Variants in ADGRG2 observed in about 807,000 individuals in gnomAD.
ADGRG2 encodes the protein G protein-coupled receptor 64.
ADGRG2 carries 26 observed loss-of-function variants against 74.1 expected under a neutral mutation model. The observed-to-expected ratio is 0.35, with a 90% CI of 0.26 to 0.49. The LOEUF (loss-of-function observed/expected upper bound fraction) is 0.49, where lower values mean the gene tolerates loss of function less well. Among genes scored for constraint, ADGRG2 ranks in the 20% least tolerant of loss-of-function variants. The pLI is 0.99. For missense variants in ADGRG2, 619 were observed against 763.1 expected (o/e 0.81, Z 2.22); for synonymous variants, 296 against 295.2 (o/e 1.00, Z -0.03).
chrX:19,115,709 C>G lies in ADGRG2; in HGVS notation c.-47+6733G>C, dbSNP rs187306203. On this transcript the variant is annotated intron_variant, in intron 1 of 28. Coordinates refer to ENST00000379869, the MANE Select transcript of ADGRG2 (RefSeq NM_001079858.3). ...CGGTGGCTCCCGCCTATAATCCCAG[C>G]ACTTTGGGAGGCCGAGGCAGGAGGA... Among the ~76,000 whole-genome samples, 545 of 111,582 alleles carry G rather than the reference C, an allele frequency of 4.9e-3. 3 individuals are homozygous for G. Among genetic ancestry groups the G allele is most frequent in the African/African-American group, 0.017 (515 of 30,711 alleles).
chrX:19,115,682 C>T (rs1281348191), intron 1 of ADGRG2, among the ~76,000 whole-genome samples: 3 of 111,317 alleles, frequency 2.7e-5, no homozygotes, highest in African/African-American at 6.5e-5. Context: ...TAGGAGGCGG[C>T]GCGGTGGCTC....
At chrX:19,122,913 C>T (rs1475571394), upstream of ADGRG2, among the ~76,000 whole-genome samples, 2 of 112,188 alleles carry the variant, frequency 1.8e-5, no homozygotes, top group Admixed American at 9.3e-5. Context: ...CTTTAGGGCT[C>T]GCCCCGGTAC....
At chrX:19,000,388 C>G (rs937156439) in intron 24 of ADGRG2, among the ~76,000 whole-genome samples, 1 of 111,792 alleles carries the variant, frequency 8.9e-6, no homozygotes, top group Admixed American at 9.5e-5. Flanking sequence ...TAGCTGTTCA[C>G]CAGGCTGGTT....
At chrX:19,088,121 A>G (rs1337740918) in intron 1 of ADGRG2, among the ~76,000 whole-genome samples, 1 of 112,453 alleles carries the variant, frequency 8.9e-6, no homozygotes, top group Admixed American at 9.4e-5. Context: ...AACCTTCCTT[A>G]GACTATAAAC....
intron 1 of ADGRG2, among the ~76,000 whole-genome samples, chrX:19,107,029 A>G (rs890041051): frequency 9.0e-6 from 1 of 110,787 alleles, no homozygotes; most frequent in Non-Finnish European, 1.9e-5. Context: ...TACTTGGGAG[A>G]GCTGTTTATC....
chrX:19,022,577 C>T lies in ADGRG2; in HGVS notation c.548+839G>A, dbSNP rs2060613411. 2.7e-5 allele frequency among the ~76,000 whole-genome samples: 3 copies of T among 111,814 alleles called. No individual in the cohort carries two copies. In the South Asian group the frequency reaches 1.1e-3, roughly 42 times the overall value. Reference sequence around the variant, plus strand: ...CCCTGTAAGCCATCGGTTTACACAGCCAGGATAGCCAATGGACACAATTCA... The same window carrying T: ...CCCTGTAAGCCATCGGTTTACACAGTCAGGATAGCCAATGGACACAATTCA... On this transcript the variant is annotated intron_variant, in intron 13 of 28. Coordinates refer to ENST00000379869, the MANE Select transcript of ADGRG2 (RefSeq NM_001079858.3).
At chrX:18,991,112 A>G (rs903718844) in intron 28 of ADGRG2, 64 bp from the exon 29 acceptor site, 2 of 579,174 alleles carry the variant, frequency 3.5e-6, no homozygotes, top group Non-Finnish European at 5.3e-6. Flanking sequence ...AAAGCAAACA[A>G]ACTTAGACAT....
At chrX:19,098,310 G>C (rs2062131630) in intron 1 of ADGRG2, among the ~76,000 whole-genome samples, 1 of 111,816 alleles carries the variant, frequency 8.9e-6, no homozygotes, top group Non-Finnish European at 1.9e-5. Flanking sequence ...ATAGTAAACT[G>C]TCATTTGCTT....
In ADGRG2 at chrX:19,103,692, A is replaced by G. The variant is rs771506259; in HGVS notation, c.-47+18750T>C. ...ATACCACGTGTACTCTCAAAATACC[A>G]AATCCAAAGGACTAAGTGTCTAATT... On this transcript the variant is annotated intron_variant, in intron 1 of 28. Transcript: ENST00000379869. Among the ~76,000 whole-genome samples, 5 of 111,392 alleles carry G rather than the reference A, an allele frequency of 4.5e-5. No homozygotes were observed. In the East Asian group the frequency reaches 1.4e-3, roughly 32 times the overall value.
At position 19,101,438 on chromosome X, in the gene ADGRG2, C is replaced by T. The variant is rs374734058; in HGVS notation, c.-46-18692G>A. Among the ~76,000 whole-genome samples, 329 of 111,296 alleles carry T rather than the reference C, an allele frequency of 3.0e-3. 4 individuals carry two copies. The highest frequency in any genetic ancestry group is 0.01 in the African/African-American group (318 of 30,677). On this transcript the variant is annotated intron_variant, in intron 1 of 28. Transcript: ENST00000379869. The stretch of plus-strand genomic sequence containing the variant: ...AAGGATAGCCAGGCACGGTGGCTCA[C>T]GCCTGTAATCCCAGCACTTTGGGAG...
intron 1 of ADGRG2, among the ~76,000 whole-genome samples, chrX:19,095,802 C>G (rs1223203175): frequency 9.0e-6 from 1 of 110,613 alleles, no homozygotes; most frequent in Admixed American, 9.6e-5. Context: ...TCACTCGAGT[C>G]CAGGAGTTGG....
intron 3 of ADGRG2, among the ~76,000 whole-genome samples, chrX:19,067,838 A>C (rs750570777): frequency 8.9e-6 from 1 of 112,177 alleles, no homozygotes; most frequent in Non-Finnish European, 1.9e-5. Flanking sequence ...TTGAATAGAC[A>C]CTTCTCCAAA....
intron 16 of ADGRG2, among the ~76,000 whole-genome samples, chrX:19,011,556 T>C (rs1453073088): frequency 1.8e-5 from 2 of 112,191 alleles, no homozygotes; most frequent in African/African-American, 3.2e-5. Flanking sequence ...GAGAATATTA[T>C]GGGCTGGGCA....
chrX:19,081,588 C>A (rs1350562666), intron 2 of ADGRG2, among the ~76,000 whole-genome samples: 2 of 111,918 alleles, frequency 1.8e-5, no homozygotes, highest in African/African-American at 6.5e-5. Context: ...GCTGTGTGAC[C>A]CTGCTCAGCT....
At chrX:18,992,344 C>T (rs1032450918) in intron 28 of ADGRG2, among the ~76,000 whole-genome samples, 1 of 112,455 alleles carries the variant, frequency 8.9e-6, no homozygotes, top group Non-Finnish European at 1.9e-5. Context: ...TGCTGGAGTG[C>T]AGTGGTGAGA....
chrX:19,078,672 A>T (rs899698928), intron 2 of ADGRG2, among the ~76,000 whole-genome samples: 1 of 111,622 alleles, frequency 9.0e-6, no homozygotes, highest in Admixed American at 9.6e-5. Flanking sequence ...TATTTTAAAC[A>T]TACAAATTAG....
intron 1 of ADGRG2, among the ~76,000 whole-genome samples, chrX:19,111,240 G>A (rs2062407243): frequency 9.0e-6 from 1 of 111,154 alleles, no homozygotes; most frequent in African/African-American, 3.3e-5. Context: ...TATTGAGTTT[G>A]AGATGCCTCT....
intron 1 of ADGRG2, among the ~76,000 whole-genome samples, chrX:19,087,457 G>A (rs906167927): frequency 2.7e-5 from 3 of 111,909 alleles, no homozygotes; most frequent in African/African-American, 9.7e-5. Context: ...AATGGATCCA[G>A]GAAAATCTCA....
intron 18 of ADGRG2, among the ~76,000 whole-genome samples, chrX:19,009,236 G>C (rs2060300765): frequency 9.3e-6 from 1 of 107,916 alleles, no homozygotes; most frequent in African/African-American, 3.4e-5. Flanking sequence ...GGAGTGCAGT[G>C]GTGCAATCTT....
Sources: allele counts gnomAD v4.1 joint callset (sites outside exome capture counted in the v4.1 genomes callset), GRCh38; gene constraint gnomAD v4.1.1; transcripts MANE v1.5; gene names NCBI Gene and HGNC (gene_info 2026-07-23, HGNC 2026-07-21).